Variants in UNC13A observed in about 807,000 individuals in gnomAD.
UNC13A encodes protein unc-13 homolog A.
A neutral mutation model predicts 219.7 loss-of-function variants in UNC13A; 61 were observed. That is an observed-to-expected ratio of 0.28 (90% CI 0.23 to 0.34). UNC13A has a LOEUF of 0.34. Ranked by LOEUF, UNC13A falls within the 10% of genes least tolerant of loss-of-function variation. UNC13A has a pLI of 1.00. For synonymous variants in UNC13A, 920 were observed against 884.6 expected (o/e 1.04, Z -0.71); for missense variants, 1,476 against 2,270.3 (o/e 0.65, Z 7.11).
intron 4 of UNC13A, among the ~76,000 whole-genome samples, chr19:17,669,885 C>CCCTTCCTT (rs1400962268): frequency 6.7e-6 from 1 of 148,782 alleles, no homozygotes; most frequent in East Asian, 2.0e-4. Flanking sequence ...TTCCCTTCCT[C>CCCTTCCTT]CCTTCCTTCC....
intron 2 of UNC13A, 78 bp downstream of exon 2, chr19:17,675,934 G>A: frequency 2.0e-6 from 3 of 1,522,384 alleles, no homozygotes; most frequent in Non-Finnish European, 2.7e-6. Context: ...GTCTGGGCTG[G>A]GACCCCCTCC....
rs536665275 is a variant in UNC13A, at chr19:17,636,303, T to C, written c.3082-146A>G. ...GGTAAGAAATCTATATAGAGAGGAATTGAACTCATAAACTGGCCCAAACAG... is the reference window on the plus strand; with the variant it reads ...GGTAAGAAATCTATATAGAGAGGAACTGAACTCATAAACTGGCCCAAACAG... On this transcript the variant is annotated intron_variant, in intron 25 of 43. Coordinates refer to ENST00000519716, the MANE Select transcript of UNC13A (RefSeq NM_001080421.3). 1.5e-5 allele frequency: 16 copies of C among 1,042,218 alleles called. No individual in the cohort carries two copies. In the African/African-American group the frequency reaches 1.7e-4, roughly 11 times the overall value. 64.6% of individuals were successfully genotyped at this position (1,042,218 alleles called of 1,614,324 possible).
chr19:17,631,185 TCCTTC>T (rs2076846979), intron 28 of UNC13A, among the ~76,000 whole-genome samples: 2 of 6,916 alleles, frequency 2.9e-4, no homozygotes, highest in African/African-American at 1.6e-3. Flanking sequence ...CTCCTTTCCT[TCCTTC>T]CCTCCCTCCC....
Position 17,647,143 on chromosome 19 carries a change from G to C in UNC13A, c.2044+122C>G, listed in dbSNP as rs917250500. The C allele has an allele frequency of 1.8e-5, 16 of 902,700 alleles. No individual in the cohort carries two copies. In the East Asian group the frequency reaches 4.2e-4, roughly 24 times the overall value. The allele number at this position is 902,700 out of a possible 1,614,324, so 55.9% of individuals were successfully genotyped here. A position where few individuals can be genotyped will look rare whatever the true frequency, so the allele number is the denominator to read the frequency against. On this transcript the variant is annotated intron_variant, in intron 17 of 43. Transcript: ENST00000519716. ...TGCGTGCACACACGGAGATGAGATG[G>C]AATGCACCCGACCGAGTGAGTGCGC...
intron 16 of UNC13A, 67 bp downstream of exon 16, chr19:17,648,363 TC>T: frequency 7.1e-7 from 1 of 1,399,060 alleles, no homozygotes; most frequent in Non-Finnish European, 9.3e-7. Flanking sequence ...CTTCAGCCTT[TC>T]CCCGCCATGC....
At chr19:17,673,213 C>T (rs112284608) in intron 3 of UNC13A, among the ~76,000 whole-genome samples, 17,520 of 151,338 alleles carry the variant, frequency 0.12, 1,020 homozygotes, top group Middle Eastern at 0.14. Flanking sequence ...CAAAATTAGC[C>T]GGGCGTGGTG....
intron 41 of UNC13A, chr19:17,613,698 G>A (rs1312310647): frequency 1.7e-5 from 2 of 114,746 alleles, no homozygotes; most frequent in Non-Finnish European, 3.7e-5. Flanking sequence ...AGAATCTTAA[G>A]TTTCTTTTTT....
chr19:17,686,925 GCCCGAGGTCT>G (rs1246595936), intron 1 of UNC13A, among the ~76,000 whole-genome samples: 10 of 151,998 alleles, frequency 6.6e-5, no homozygotes, highest in Admixed American at 6.6e-4. Flanking sequence ...GCTTCCTGTC[GCCCGAGGTCT>G]CCCGAAGCCT....
At chr19:17,648,856 A>C in intron 15 of UNC13A, 56 bp downstream of exon 15, 1 of 1,549,452 alleles carries the variant, frequency 6.5e-7, no homozygotes. Flanking sequence ...GGACAATTCC[A>C]GAAGCTCCTA....
rs969199496 is a variant in UNC13A, at chr19:17,668,256, G to A, written c.395-66C>T. The A allele has an allele frequency of 5.3e-6, 8 of 1,510,838 alleles. No homozygotes were observed. In the African/African-American group the frequency reaches 1.1e-4, roughly 21 times the overall value. 93.6% of individuals were successfully genotyped at this position (1,510,838 alleles called of 1,614,324 possible). On this transcript the variant is annotated intron_variant, in intron 5 of 43. Transcript: ENST00000519716. ...CTGCCGCTCAGCCTCCATCCTCCAGGCCTACTGAGCTCCACCCGGGCCCTG... is the reference window on the plus strand; with the variant it reads ...CTGCCGCTCAGCCTCCATCCTCCAGACCTACTGAGCTCCACCCGGGCCCTG...
chr19:17,632,466 G>C (rs546429673), intron 28 of UNC13A, among the ~76,000 whole-genome samples: 3 of 152,342 alleles, frequency 2.0e-5, no homozygotes, highest in Admixed American at 2.0e-4. Context: ...GTGCCACCAT[G>C]CCTGGCCATT....
Position 17,674,432 on chromosome 19 carries a change from C to T in UNC13A, c.152+225G>A, listed in dbSNP as rs768482498. 6.6e-5 allele frequency among the ~76,000 whole-genome samples: 10 copies of T among 152,112 alleles called. No individual in the cohort carries two copies. The highest frequency in any genetic ancestry group is 4.1e-4 in the South Asian group (2 of 4,824). ...AGGTGGATGGCACAGGAGGCCAGGG[C>T]GGAGGCTGGCGGGCAGCAGGGACTT... is the stretch of plus-strand genomic sequence containing the variant. On this transcript the variant is annotated intron_variant, in intron 3 of 43. Transcript: ENST00000519716. The surrounding 1 kb of genome is among the most constrained non-coding windows in gnomAD (Gnocchi z 5.0).
chr19:17,651,269 G>A (rs1396181576), intron 12 of UNC13A, among the ~76,000 whole-genome samples: 1 of 150,608 alleles, frequency 6.6e-6, no homozygotes, highest in Admixed American at 6.6e-5. Context: ...AAATTCTTTT[G>A]TAGAGATGGG....
chr19:17,649,390 A>T lies in UNC13A; in HGVS notation c.1519-46T>A, dbSNP rs768450759. ...ATGGGGGTAGAAATCAGACTACATT[A>T]GTCTCAGAGAATGCCTAGCTGGCCC... On this transcript the variant is annotated intron_variant, in intron 13 of 43. Transcript: ENST00000519716. This position sits in a 1 kb window ranked among gnomAD's most constrained non-coding sequence, Gnocchi z 4.4. 20 of 1,611,876 alleles carry T rather than the reference A, an allele frequency of 1.2e-5. No individual in the cohort carries two copies. The highest frequency in any genetic ancestry group is 1.6e-5 in the Non-Finnish European group (19 of 1,179,370).
chr19:17,632,661 G>T, intron 28 of UNC13A, 121 bp downstream of exon 28: 1 of 1,450,312 alleles, frequency 6.9e-7, no homozygotes, highest in Non-Finnish European at 9.4e-7. Flanking sequence ...CTGGATTCAA[G>T]CCCCACCCAT....
chr19:17,662,070 C>T (rs898128168), intron 8 of UNC13A, among the ~76,000 whole-genome samples: 7 of 151,946 alleles, frequency 4.6e-5, no homozygotes, highest in Non-Finnish European at 1.0e-4. Flanking sequence ...GGTGAAACCC[C>T]ATCTCTACTA....
At chr19:17,680,781 T>C (rs373897588) in intron 1 of UNC13A, among the ~76,000 whole-genome samples, 2 of 151,618 alleles carry the variant, frequency 1.3e-5, no homozygotes, top group East Asian at 3.9e-4. Flanking sequence ...TATTATTTGG[T>C]TGTGTTCTAA....
chr19:17,655,253 A>G, intron 11 of UNC13A, 21 bp downstream of exon 11: 4 of 1,545,960 alleles, frequency 2.6e-6, no homozygotes, highest in South Asian at 1.2e-5. Flanking sequence ...TGGCAGGGGC[A>G]TGGCTGGGCG....
chr19:17,663,658 A>G, intron 7 of UNC13A, 91 bp from the exon 8 acceptor site: 1 of 1,365,994 alleles, frequency 7.3e-7, no homozygotes, highest in Non-Finnish European at 1.0e-6. Context: ...ACTCTCCCCA[A>G]CTGCTCCCCC....
Sources: allele counts gnomAD v4.1 joint callset (sites outside exome capture counted in the v4.1 genomes callset), GRCh38; gene constraint gnomAD v4.1.1; non-coding constraint Gnocchi (gnomAD v3.1); transcripts MANE v1.5; gene names NCBI Gene and HGNC (gene_info 2026-07-23, HGNC 2026-07-21).